Variants in NCAM2 observed in about 807,000 individuals in gnomAD.
NCAM2 encodes the protein N-CAM-2.
Under a neutral mutation model 98.1 loss-of-function variants are expected in NCAM2, and 30 were observed. That is an observed-to-expected ratio of 0.31 (90% confidence interval 0.23 to 0.41). The LOEUF is 0.41. Ranked by LOEUF, NCAM2 falls within the 10% of genes least tolerant of loss-of-function variation. The probability of loss-of-function intolerance (pLI) is 1.00; values close to 1 mark genes in which losing one functional copy is unlikely to be tolerated. For missense variants in NCAM2, 867 were observed against 1,005.8 expected (o/e 0.86, Z 1.87); for synonymous variants, 368 against 342.4 (o/e 1.07, Z -0.83).
chr21:21,278,132 AAAGAG>A (rs2072797487), intron 1 of NCAM2, among the ~76,000 whole-genome samples: 1 of 152,166 alleles, frequency 6.6e-6, no homozygotes, highest in Non-Finnish European at 1.5e-5. Context: ...GGAAGAAAGA[AAAGAG>A]AAGACACATA....
chr21:21,322,340 C>T (rs900979089), intron 5 of NCAM2, among the ~76,000 whole-genome samples: 3 of 151,952 alleles, frequency 2.0e-5, no homozygotes, highest in Non-Finnish European at 4.4e-5. Flanking sequence ...TGAAAAACTA[C>T]CTATTGGGTA....
rs544473750 is a variant in NCAM2 at position 21,410,636 on chromosome 21, A to T, written c.1383+175A>T. On this transcript the variant is annotated intron_variant, in intron 10 of 17. Transcript: ENST00000400546. ...TCCATGGCTCATTAATGATGAGTGT[A>T]TGAATGTCTATTCACTTATATAGCA... is the stretch of plus-strand genomic sequence containing the variant. 3.9e-5 allele frequency among the ~76,000 whole-genome samples: 6 copies of T among 152,206 alleles called. No individual in the cohort carries two copies. The East Asian group carries it at 1.2e-3, about 29-fold the overall frequency.
intron 9 of NCAM2, among the ~76,000 whole-genome samples, 154 bp from the exon 10 acceptor site, chr21:21,410,120 G>A (rs1463494472): frequency 5.3e-5 from 8 of 151,124 alleles, no homozygotes; most frequent in Non-Finnish European, 1.2e-4. Flanking sequence ...GCGACAGGGC[G>A]AGACTCCGTC....
At chr21:21,146,940 C>A (rs1031374677) in intron 1 of NCAM2, among the ~76,000 whole-genome samples, 1 of 151,458 alleles carries the variant, frequency 6.6e-6, no homozygotes, top group African/African-American at 2.4e-5. Flanking sequence ...CTGCCTTCTA[C>A]TCCGGAACTC....
At chr21:21,413,752 G>A (rs929879164) in intron 10 of NCAM2, among the ~76,000 whole-genome samples, 17 of 152,278 alleles carry the variant, frequency 1.1e-4, no homozygotes, top group East Asian at 5.8e-4. Flanking sequence ...TTGGTGAAGC[G>A]TTTTGTCGCA....
At chr21:21,276,630 G>A (rs1410573362) in intron 1 of NCAM2, among the ~76,000 whole-genome samples, 1 of 151,702 alleles carries the variant, frequency 6.6e-6, no homozygotes, top group Non-Finnish European at 1.5e-5. Flanking sequence ...TATTGATTTG[G>A]GTCAAAAATC....
chr21:21,320,590 A>T (rs2074351038), intron 5 of NCAM2, among the ~76,000 whole-genome samples: 1 of 152,124 alleles, frequency 6.6e-6, no homozygotes, highest in African/African-American at 2.4e-5. Flanking sequence ...CAAATTTTTA[A>T]AAAAAGAAAA....
chr21:21,117,552 T>C (rs920764562), intron 1 of NCAM2, among the ~76,000 whole-genome samples: 1 of 152,158 alleles, frequency 6.6e-6, no homozygotes, highest in Non-Finnish European at 1.5e-5. Context: ...TGCAATGAAA[T>C]GTAACAGCAA....
At chr21:21,174,741 A>T (rs553829607) in intron 1 of NCAM2, among the ~76,000 whole-genome samples, 33 of 152,300 alleles carry the variant, frequency 2.2e-4, no homozygotes, top group African/African-American at 6.3e-4. Flanking sequence ...AAATTAAAAA[A>T]AAATAAATAA....
intron 12 of NCAM2, among the ~76,000 whole-genome samples, chr21:21,452,232 C>A (rs1489491187): frequency 2.0e-5 from 3 of 150,890 alleles, no homozygotes; most frequent in Non-Finnish European, 3.0e-5. Context: ...ATTATATACA[C>A]ACATATACAT....
At chr21:21,147,299 T>C in intron 1 of NCAM2, 10 of 968,570 alleles carry the variant, frequency 1.0e-5, no homozygotes, top group Non-Finnish European at 1.2e-5. Context: ...TACAACATGC[T>C]AAAAAAAAGA....
At chr21:21,293,708 A>G (rs1205849582) in intron 5 of NCAM2, among the ~76,000 whole-genome samples, 1 of 151,810 alleles carries the variant, frequency 6.6e-6, no homozygotes, top group Admixed American at 6.6e-5. Context: ...TCTTTATTGT[A>G]TACAATAAAC....
chr21:21,412,506 G>A (rs185950395), intron 10 of NCAM2, among the ~76,000 whole-genome samples: 18 of 151,566 alleles, frequency 1.2e-4, no homozygotes, highest in Non-Finnish European at 2.4e-4. Context: ...ACATTTTTTA[G>A]TTCCTCAGCC....
intron 1 of NCAM2, among the ~76,000 whole-genome samples, chr21:21,177,137 GAA>G (rs1433996726): frequency 3.3e-5 from 5 of 152,048 alleles, no homozygotes; most frequent in African/African-American, 4.8e-5. Flanking sequence ...ATCTCCCAGT[GAA>G]CTTTTTTTAT....
intron 1 of NCAM2, among the ~76,000 whole-genome samples, chr21:21,069,634 G>A (rs549168454): frequency 1.2e-4 from 18 of 152,244 alleles, no homozygotes; most frequent in South Asian, 2.1e-4. Context: ...GAAATAAAAT[G>A]TATGACACAA....
intron 1 of NCAM2, among the ~76,000 whole-genome samples, chr21:21,248,938 C>T (rs2071384583): frequency 1.3e-5 from 2 of 151,824 alleles, no homozygotes; most frequent in East Asian, 3.9e-4. Flanking sequence ...AGTTTTGAGG[C>T]TCCCAAATAA....
At chr21:21,136,454 CAATTT>C (rs1215973213) in intron 1 of NCAM2, among the ~76,000 whole-genome samples, 1 of 137,542 alleles carries the variant, frequency 7.3e-6, no homozygotes, top group African/African-American at 2.9e-5. Context: ...GTACTCTACT[CAATTT>C]ATCTCTTTTT....
intron 12 of NCAM2, among the ~76,000 whole-genome samples, chr21:21,456,540 T>G (rs1982173232): frequency 6.6e-6 from 1 of 152,202 alleles, no homozygotes; most frequent in South Asian, 2.1e-4. Flanking sequence ...AAAGACACTG[T>G]GTCCTCTAAT....
intron 5 of NCAM2, among the ~76,000 whole-genome samples, chr21:21,306,735 T>C (rs2073890781): frequency 6.6e-6 from 1 of 152,112 alleles, no homozygotes; most frequent in South Asian, 2.1e-4. Context: ...AAATGTGCAA[T>C]TGCATTGTTA....
Sources: allele counts gnomAD v4.1 joint callset (sites outside exome capture counted in the v4.1 genomes callset), GRCh38; gene constraint gnomAD v4.1.1; transcripts MANE v1.5; gene names NCBI Gene and HGNC (gene_info 2026-07-23, HGNC 2026-07-21).